TRPM3: variants seen among roughly 807,000 people sequenced by gnomAD.
TRPM3 encodes transient receptor potential cation channel subfamily M member 3, also known as long transient receptor potential channel 3.
A neutral mutation model predicts 181.2 loss-of-function variants in TRPM3; 77 were observed. The observed-to-expected ratio is 0.42, with a 90% CI of 0.35 to 0.51. The LOEUF (loss-of-function observed/expected upper bound fraction) is 0.51, where lower values mean the gene tolerates loss of function less well. TRPM3 is among the 20% of genes least tolerant of loss of function. The pLI is 0.01. For synonymous variants in TRPM3, 745 were observed against 796.4 expected (o/e 0.94, Z 1.09); for missense variants, 1,759 against 2,196.7 (o/e 0.80, Z 3.98).
At chr9:71,175,574 T>C (rs2077065964) in intron 1 of TRPM3, among the ~76,000 whole-genome samples, 1 of 152,122 alleles carries the variant, frequency 6.6e-6, no homozygotes, top group Non-Finnish European at 1.5e-5. Context: ...GTGTGGATAG[T>C]GTCAGAGGGA....
chr9:70,906,714 C>T (rs2096469500), intron 1 of TRPM3, among the ~76,000 whole-genome samples: 1 of 152,114 alleles, frequency 6.6e-6, no homozygotes, highest in African/African-American at 2.4e-5. Flanking sequence ...ACCAGCCTGG[C>T]CAACGTGGTG....
chr9:70,831,993 A>ATTTATATATATATATATT (rs2093961368), intron 5 of TRPM3, among the ~76,000 whole-genome samples: 5 of 92,674 alleles, frequency 5.4e-5, no homozygotes, highest in African/African-American at 1.4e-4. Flanking sequence ...ATATATATAT[A>ATTTATATATATATATATT]TATACCTACT....
chr9:71,430,157 C>T (rs2093933522), intron 1 of TRPM3, among the ~76,000 whole-genome samples: 1 of 152,126 alleles, frequency 6.6e-6, no homozygotes, highest in Non-Finnish European at 1.5e-5. Context: ...ATATAAGCTC[C>T]AGGAGGGCTG....
chr9:70,901,720 C>T (rs2096389649), intron 1 of TRPM3, among the ~76,000 whole-genome samples: 1 of 152,138 alleles, frequency 6.6e-6, no homozygotes, highest in Admixed American at 6.5e-5. Context: ...TTTGAAGCAT[C>T]TGAAAGCACT....
Position 70,846,365 on chromosome 9 carries a change from C to T in TRPM3, c.676+13G>A. On this transcript the variant is annotated intron_variant, in intron 4 of 25. Transcript: ENST00000677713. ...TGGCCTATGTTGACTTTCTCTGTTC[C>T]ACTTGCAATTACCTGTGTTAACCCC... 2 of 1,610,590 alleles carry T rather than the reference C, an allele frequency of 1.2e-6. No individual in the cohort carries two copies. The highest frequency in any genetic ancestry group is 1.7e-6 in the Non-Finnish European group (2 of 1,176,812).
chr9:70,574,724 T>C (rs1321851889), intron 22 of TRPM3, among the ~76,000 whole-genome samples: 1 of 152,096 alleles, frequency 6.6e-6, no homozygotes, highest in Non-Finnish European at 1.5e-5. Flanking sequence ...GCTGAATCCA[T>C]GAATGAATGA....
intron 1 of TRPM3, among the ~76,000 whole-genome samples, chr9:71,430,970 C>T (rs1733106722): frequency 6.6e-6 from 1 of 152,130 alleles, no homozygotes; most frequent in Non-Finnish European, 1.5e-5. Flanking sequence ...TAAATCCATC[C>T]TCTTATGACT....
At chr9:71,197,764 G>A in intron 1 of TRPM3, among the ~76,000 whole-genome samples, 1 of 143,744 alleles carries the variant, frequency 7.0e-6, no homozygotes, top group Non-Finnish European at 1.5e-5. Flanking sequence ...GTAGATTCTG[G>A]ATATTAGCCC....
chr9:71,282,276 GAAAGA>G (rs2084852735), intron 1 of TRPM3, among the ~76,000 whole-genome samples: 1 of 88,244 alleles, frequency 1.1e-5, no homozygotes, highest in Admixed American at 1.0e-4. Flanking sequence ...AAGAGAGAAA[GAAAGA>G]AAAGAAAGAA....
chr9:71,314,504 C>G (rs1209971698), intron 1 of TRPM3, among the ~76,000 whole-genome samples: 1 of 151,996 alleles, frequency 6.6e-6, no homozygotes, highest in African/African-American at 2.4e-5. Flanking sequence ...TCCCAAAAAG[C>G]ATATGGAAAG....
At chr9:70,642,336 T>C (rs1353945499) in intron 9 of TRPM3, among the ~76,000 whole-genome samples, 1 of 152,068 alleles carries the variant, frequency 6.6e-6, no homozygotes, top group East Asian at 1.9e-4. Context: ...AAACTAGAGG[T>C]GAGAGTCAGA....
intron 1 of TRPM3, among the ~76,000 whole-genome samples, chr9:71,313,822 T>C (rs1163451415): frequency 6.6e-6 from 1 of 152,146 alleles, no homozygotes; most frequent in Non-Finnish European, 1.5e-5. Context: ...TGGAACCTTA[T>C]CATTTTTCTG....
chr9:70,640,456 T>C, intron 10 of TRPM3, 104 bp downstream of exon 10: 1 of 849,004 alleles, frequency 1.2e-6, no homozygotes. Context: ...CATTCCATCT[T>C]AAAGAAAAAG....
intron 1 of TRPM3, among the ~76,000 whole-genome samples, chr9:71,191,812 C>A (rs56159419): frequency 0.43 from 63,793 of 149,520 alleles, 14,008 homozygotes; most frequent in East Asian, 0.52. Flanking sequence ...AAAATCACAT[C>A]GTCAAGGATC....
At chr9:71,060,280 C>T (rs925412020) in intron 1 of TRPM3, among the ~76,000 whole-genome samples, 1 of 152,072 alleles carries the variant, frequency 6.6e-6, no homozygotes, top group East Asian at 1.9e-4. Flanking sequence ...AGAGGAAAGA[C>T]AGTGTAGCCT....
chr9:71,204,773 T>C (rs1166601752), intron 1 of TRPM3, among the ~76,000 whole-genome samples: 3 of 152,106 alleles, frequency 2.0e-5, no homozygotes, highest in South Asian at 2.1e-4. Flanking sequence ...CGTATGTTTA[T>C]TGCGGCACTA....
At chr9:70,571,682 T>C (rs1175381508) in intron 22 of TRPM3, among the ~76,000 whole-genome samples, 2 of 152,156 alleles carry the variant, frequency 1.3e-5, no homozygotes, top group Non-Finnish European at 2.9e-5. Flanking sequence ...TCCTATCTTG[T>C]AGGATTGTTG....
At chr9:71,387,835 TTCA>T (rs2092962001) in intron 1 of TRPM3, among the ~76,000 whole-genome samples, 1 of 152,100 alleles carries the variant, frequency 6.6e-6, no homozygotes, top group Non-Finnish European at 1.5e-5. Context: ...AAAATAAATA[TTCA>T]TCAAGACATG....
intron 1 of TRPM3, among the ~76,000 whole-genome samples, chr9:71,430,135 G>T (rs2093933167): frequency 6.6e-6 from 1 of 152,032 alleles, no homozygotes; most frequent in Non-Finnish European, 1.5e-5. Context: ...TCTTCTGCTG[G>T]CCTTCATTAG....
Sources: allele counts gnomAD v4.1 joint callset (sites outside exome capture counted in the v4.1 genomes callset), GRCh38; gene constraint gnomAD v4.1.1; transcripts MANE v1.5; gene names NCBI Gene and HGNC (gene_info 2026-07-23, HGNC 2026-07-21).